The following TDRD7 variants were observed in gnomAD, a reference collection of about 807,000 sequenced individuals.
The protein encoded by TDRD7 is tudor domain containing 7.
TDRD7 carries 47 observed loss-of-function variants against 109.8 expected under a neutral mutation model. The observed-to-expected ratio is 0.43, with a 90% CI of 0.34 to 0.55. The LOEUF is 0.55. Among genes scored for constraint, TDRD7 ranks in the 20% least tolerant of loss-of-function variants. The probability of loss-of-function intolerance (pLI) is 0.03; values close to 1 mark genes in which losing one functional copy is unlikely to be tolerated. For synonymous variants in TDRD7, 424 were observed against 457.3 expected, an observed-to-expected ratio of 0.93 and a Z score of 0.93; for missense variants, 1,164 against 1,319.2, an observed-to-expected ratio of 0.88 and a Z score of 1.82.
intron 6 of TDRD7, among the ~76,000 whole-genome samples, chr9:97,442,440 A>G (rs1403132190): frequency 3.3e-5 from 5 of 152,218 alleles, no homozygotes; most frequent in African/African-American, 1.2e-4. Flanking sequence ...ATCAATTTCC[A>G]TTTCTATTCC....
intron 1 of TDRD7, among the ~76,000 whole-genome samples, chr9:97,414,732 A>G (rs905645344): frequency 3.3e-5 from 5 of 152,256 alleles, no homozygotes; most frequent in Non-Finnish European, 7.3e-5. Flanking sequence ...TTAAGGAAGT[A>G]TACCATCATC....
intron 4 of TDRD7, among the ~76,000 whole-genome samples, chr9:97,438,468 C>G (rs1371062255): frequency 6.6e-6 from 1 of 152,150 alleles, no homozygotes; most frequent in Admixed American, 6.6e-5. Flanking sequence ...TTCATTCAGT[C>G]ATTCTTACAA....
At chr9:97,456,702 C>A (rs929232741) in intron 6 of TDRD7, among the ~76,000 whole-genome samples, 16 of 152,280 alleles carry the variant, frequency 1.1e-4, no homozygotes, top group Admixed American at 2.0e-4. Flanking sequence ...AAATGTAAAA[C>A]CCCAAACCAT....
At chr9:97,491,939 A>G (rs1205228479) in intron 16 of TDRD7, among the ~76,000 whole-genome samples, 7 of 152,286 alleles carry the variant, frequency 4.6e-5, no homozygotes, top group African/African-American at 1.4e-4. Context: ...AGGGCCCTAT[A>G]ACTGGGTTCC....
At chr9:97,424,105 G>A (rs1189356009) in intron 1 of TDRD7, among the ~76,000 whole-genome samples, 1 of 117,170 alleles carries the variant, frequency 8.5e-6, no homozygotes, top group Non-Finnish European at 1.6e-5. Context: ...TTAGGCTGGA[G>A]TTCAGTGGCA....
intron 1 of TDRD7, among the ~76,000 whole-genome samples, chr9:97,425,354 A>G (rs528617549): frequency 3.3e-5 from 5 of 152,276 alleles, no homozygotes; most frequent in East Asian, 3.9e-4. Flanking sequence ...GTATTTTTCT[A>G]TACCTTATCT....
At chr9:97,439,198 CTT>C (rs1346171543) in intron 4 of TDRD7, 45 bp from the exon 5 acceptor site, 2 of 1,466,714 alleles carry the variant, frequency 1.4e-6, no homozygotes, top group East Asian at 5.0e-5. Flanking sequence ...TTGGTATAGA[CTT>C]TGTTATTTAC....
chr9:97,450,950 T>A (rs1255012879), intron 6 of TDRD7, among the ~76,000 whole-genome samples: 1 of 151,438 alleles, frequency 6.6e-6, no homozygotes, highest in Non-Finnish European at 1.5e-5. Context: ...TGGCAACCCC[T>A]AGTAGCTTTA....
intron 4 of TDRD7, among the ~76,000 whole-genome samples, chr9:97,433,878 A>G (rs1475360653): frequency 1.3e-5 from 2 of 152,182 alleles, no homozygotes; most frequent in African/African-American, 2.4e-5. Context: ...AGTGCTGGTA[A>G]GGATGTGGAG....
In TDRD7 at chr9:97,441,745, A is replaced by G. The variant is rs1036293350; in HGVS notation, c.725A>G (p.Lys242Arg). ...ATGGATGAGGTTCAAAATCGCATAA[A>G]GGAAATACTAAACAAGCATAACAAT... The part of the protein sequence containing the change: ...YKMDEVQNRI[K>R]EILNKHNNGI... The change falls in exon 6 of 17, where the codon AAG becomes AGG. Residue 242 changes from lysine (K) to arginine (R), a missense_variant. This residue lies in a region of TDRD7 where 407 missense variants were observed against 394.0 expected (regional missense o/e 1.03). Transcript: ENST00000355295. 3.1e-6 allele frequency: 5 copies of G among 1,613,794 alleles called. No individual in the cohort carries two copies. Among genetic ancestry groups the G allele is most frequent in the Non-Finnish European group, 3.4e-6 (4 of 1,179,916 alleles).
At chr9:97,441,012 A>G (rs992125959) in intron 5 of TDRD7, among the ~76,000 whole-genome samples, 1 of 152,174 alleles carries the variant, frequency 6.6e-6, no homozygotes, top group Non-Finnish European at 1.5e-5. Context: ...AAGATAAATG[A>G]TTGATATTGG....
At chr9:97,420,129 A>G (rs1429579353) in intron 1 of TDRD7, among the ~76,000 whole-genome samples, 1 of 152,220 alleles carries the variant, frequency 6.6e-6, no homozygotes, top group East Asian at 1.9e-4. Flanking sequence ...CCAAATGTGT[A>G]TCAACATTTG....
At chr9:97,424,680 A>T (rs1827957121) in intron 1 of TDRD7, among the ~76,000 whole-genome samples, 1 of 152,164 alleles carries the variant, frequency 6.6e-6, no homozygotes, top group East Asian at 1.9e-4. Context: ...ATTCATATTT[A>T]AAGTGGGTTT....
chr9:97,468,207 A>G (rs901069513), intron 8 of TDRD7, among the ~76,000 whole-genome samples: 1 of 152,214 alleles, frequency 6.6e-6, no homozygotes, highest in African/African-American at 2.4e-5. Context: ...GATCCCCTAG[A>G]GAGAGAATAC....
intron 6 of TDRD7, among the ~76,000 whole-genome samples, chr9:97,448,962 T>TC (rs1209483185): frequency 6.6e-6 from 1 of 152,162 alleles, no homozygotes; most frequent in African/African-American, 2.4e-5. Flanking sequence ...AGGTAAGCCT[T>TC]CATAGACTCA....
chr9:97,425,720 A>G (rs978284066), intron 1 of TDRD7, among the ~76,000 whole-genome samples: 1 of 152,180 alleles, frequency 6.6e-6, no homozygotes, highest in African/African-American at 2.4e-5. Flanking sequence ...CCTGGTGATA[A>G]TAATTTGAAA....
intron 2 of TDRD7, among the ~76,000 whole-genome samples, chr9:97,429,738 C>T (rs1024606484): frequency 2.0e-5 from 3 of 152,168 alleles, no homozygotes; most frequent in Non-Finnish European, 4.4e-5. Context: ...ACACTTGACA[C>T]AATGTTTTCT....
rs1285333035 is a variant in TDRD7 at position 97,428,633 on chromosome 9, G to C, written c.168G>C (p.Val56=). The change falls in exon 2 of 17, where the codon GTG becomes GTC. Residue 56 remains valine (V), a synonymous_variant. Transcript: ENST00000355295. ...CACTAGAAGCCTATCTGAGAAGTGT[G>C]CCAGCAGTGGTCAGGATAGAGACTA... is the stretch of plus-strand genomic sequence containing the variant. ...FPTLEAYLRS[V]PAVVRIETSR... 3.1e-6 allele frequency: 5 copies of C among 1,613,854 alleles called. No homozygotes were observed. Among genetic ancestry groups the C allele is most frequent in the Non-Finnish European group, 4.2e-6 (5 of 1,179,944 alleles).
chr9:97,480,886 C>T lies in TDRD7; in HGVS notation c.2360C>T (p.Ala787Val), dbSNP rs1486647357. ...PQSIGMWTPDAVLWLRDSVLN... is the reference protein window; with the variant it reads ...PQSIGMWTPDVVLWLRDSVLN... ...TCTATTGGCATGTGGACACCAGATG[C>T]AGTGCTGTGGTTAAGAGATTCTGTT... is the stretch of plus-strand genomic sequence containing the variant. The change falls in exon 14 of 17, where the codon GCA (alanine) becomes GTA (valine). Residue 787 changes from alanine (A) to valine (V), a missense_variant. Ala to Val is a moderately conservative substitution (Grantham distance 64). Coordinates refer to ENST00000355295, the MANE Select transcript of TDRD7 (RefSeq NM_014290.3). The T allele has an allele frequency of 1.2e-6, 2 of 1,614,112 alleles. No homozygotes were observed. The highest frequency in any genetic ancestry group is 2.2e-5 in the East Asian group (1 of 44,872).
Sources: gnomAD v4.1 joint callset for allele counts (sites outside exome capture counted in the v4.1 genomes callset) on GRCh38, gnomAD v4.1.1 for gene constraint, gnomAD v4.1.1 regional missense constraint, MANE v1.5 for transcripts, NCBI Gene and HGNC (gene_info 2026-07-23, HGNC 2026-07-21) for gene names.